The following ITGB3BP variants were observed in gnomAD, a reference collection of about 807,000 sequenced individuals.
ITGB3BP encodes centromere protein R.
Under a neutral mutation model 29.1 loss-of-function variants are expected in ITGB3BP, and 27 were observed. That is an observed-to-expected ratio of 0.93 (90% CI 0.68 to 1.28). ITGB3BP has a LOEUF of 1.28. Among genes scored for constraint, ITGB3BP ranks in the 50% most tolerant of loss-of-function variants. ITGB3BP has a pLI of 0.00. For synonymous variants in ITGB3BP, 61 were observed against 61.4 expected, an observed-to-expected ratio of 0.99 and a Z score of 0.03; for missense variants, 192 against 200.2, an observed-to-expected ratio of 0.96 and a Z score of 0.25.
Position 63,454,852 on chromosome 1 carries a change from C to A in ITGB3BP, c.333+38G>T. ...ATCTGGGACACTTCTTTCATTTTAT[C>A]CTTTTCAAACAGGGTAGAAGTATGA... On this transcript the variant is annotated intron_variant, in intron 5 of 8. Transcript: ENST00000271002. The surrounding 1 kb of genome is among the most constrained non-coding windows in gnomAD (Gnocchi z 4.1). The A allele has an allele frequency of 1.1e-6, 1 of 919,150 alleles. No homozygotes were observed. The highest frequency in any genetic ancestry group is 1.7e-6 in the Non-Finnish European group (1 of 581,380). The allele number at this position is 919,150 out of a possible 1,614,324, so 56.9% of individuals were successfully genotyped here. A position where few individuals can be genotyped will look rare whatever the true frequency, so the allele number is the denominator to read the frequency against.
chr1:63,508,545 C>A lies in ITGB3BP; in HGVS notation c.31G>T (p.Gly11Cys). 7.0e-7 allele frequency: 1 copy of A among 1,422,112 alleles called. No homozygotes were observed. Among genetic ancestry groups the A allele is most frequent in the Non-Finnish European group, 9.5e-7 (1 of 1,048,186 alleles). 88.1% of individuals were successfully genotyped at this position (1,422,112 alleles called of 1,614,324 possible). Residue 11 changes from glycine to cysteine, a missense_variant, in exon 2 of 9, where the codon GGT becomes TGT. Gly to Cys is a radical substitution (Grantham distance 159). Transcript: ENST00000271002. MPVKRSLKLD[G>C]LLEENSFDPS... is the part of the protein sequence containing the mutation. ...ATACTTACATTTTCTTCTAACAGAC[C>A]ATCCAACTTCAGTGATCTTTTAACA...
intron 3 of ITGB3BP, among the ~76,000 whole-genome samples, chr1:63,482,801 G>A (rs758880445): frequency 6.1e-4 from 92 of 151,948 alleles, no homozygotes; most frequent in Non-Finnish European, 1.1e-3. Flanking sequence ...CTGCAAGCGT[G>A]CACCACCACG....
chr1:63,529,021 G>A (rs1237327449), intron 2 of ITGB3BP: 2 of 152,088 alleles, frequency 1.3e-5, no homozygotes, highest in African/African-American at 4.8e-5. Flanking sequence ...TTAAAGGGTA[G>A]GAGCTGGCTG....
At chr1:63,465,556 T>C (rs1432851511) in intron 4 of ITGB3BP, among the ~76,000 whole-genome samples, 1 of 151,834 alleles carries the variant, frequency 6.6e-6, no homozygotes, top group Non-Finnish European at 1.5e-5. Flanking sequence ...CCAGGCTTGC[T>C]AATTAAAAAA....
chr1:63,455,766 G>T (rs1303902751), intron 4 of ITGB3BP, among the ~76,000 whole-genome samples: 4 of 151,984 alleles, frequency 2.6e-5, no homozygotes, highest in African/African-American at 4.8e-5. Flanking sequence ...CCCCACAGCT[G>T]TTTGTGATAA....
intron 3 of ITGB3BP, among the ~76,000 whole-genome samples, chr1:63,488,002 G>A (rs148115684): frequency 2.8e-4 from 43 of 152,200 alleles, no homozygotes; most frequent in African/African-American, 9.4e-4. Context: ...CTGCATGAAC[G>A]CATCTGTTAA....
chr1:63,465,208 T>C (rs1395001255), intron 4 of ITGB3BP, among the ~76,000 whole-genome samples: 2 of 152,188 alleles, frequency 1.3e-5, no homozygotes, highest in Admixed American at 1.3e-4. Flanking sequence ...TGAGTACCTA[T>C]GTATGTGTGT....
intron 7 of ITGB3BP, chr1:63,451,727 A>T (rs1480674297): frequency 1.3e-5 from 2 of 152,062 alleles, no homozygotes; most frequent in Non-Finnish European, 2.9e-5. Flanking sequence ...TCAAATTACA[A>T]CAAAAATAAG....
chr1:63,485,322 G>A (rs1370894316), intron 3 of ITGB3BP, among the ~76,000 whole-genome samples: 7 of 151,956 alleles, frequency 4.6e-5, no homozygotes, highest in African/African-American at 1.7e-4. Flanking sequence ...TATCTTGTCT[G>A]CCTGAAAATA....
chr1:63,501,889 TAA>T (rs925064883), intron 2 of ITGB3BP, among the ~76,000 whole-genome samples: 22 of 150,798 alleles, frequency 1.5e-4, no homozygotes, highest in Admixed American at 7.9e-4. Context: ...GTCTTACTAA[TAA>T]GTTATGGAGT....
At chr1:63,448,055 C>T (rs1272653945) in intron 7 of ITGB3BP, among the ~76,000 whole-genome samples, 1 of 151,178 alleles carries the variant, frequency 6.6e-6, no homozygotes, top group Non-Finnish European at 1.5e-5. Context: ...TGGAAATCAT[C>T]ATTCTCAGTA....
chr1:63,468,977 G>A (rs1156977774), intron 4 of ITGB3BP, among the ~76,000 whole-genome samples: 1 of 152,000 alleles, frequency 6.6e-6, no homozygotes, highest in African/African-American at 2.4e-5. Context: ...CTTGAACCAG[G>A]GAGGTGGAGG....
rs532098334 is a variant in ITGB3BP, at chr1:63,453,700, AATC to A, written c.484+215_484+217del. The stretch of plus-strand genomic sequence containing the variant: ...ATTTCAAAAGACATTTAAAAAGTTC[AATC>A]ATCAGAGAAGTTGATCTCATCAGAT... On this transcript the variant is annotated intron_variant, in intron 7 of 8. Coordinates refer to ENST00000271002, the MANE Select transcript of ITGB3BP (RefSeq NM_014288.5). 11 of 365,920 alleles carry A rather than the reference AATC, an allele frequency of 3.0e-5. No homozygotes were observed. The South Asian group carries it at 3.8e-4, about 13-fold the overall frequency. The allele number at this position is 365,920 out of a possible 1,614,324, so 22.7% of individuals were successfully genotyped here. A position where few individuals can be genotyped will look rare whatever the true frequency, so the allele number is the denominator to read the frequency against.
chr1:63,451,862 G>A (rs1036939046), intron 7 of ITGB3BP: 9 of 152,026 alleles, frequency 5.9e-5, no homozygotes, highest in Non-Finnish European at 1.3e-4. Context: ...ATTGGACAAT[G>A]ACTACGTAGA....
chr1:63,502,890 C>A (rs1484107860), intron 2 of ITGB3BP, among the ~76,000 whole-genome samples: 2 of 152,114 alleles, frequency 1.3e-5, no homozygotes, highest in African/African-American at 4.8e-5. Flanking sequence ...ATATGTGACA[C>A]ATTTTCTTAA....
At chr1:63,459,452 A>G (rs1354967903) in intron 4 of ITGB3BP, among the ~76,000 whole-genome samples, 1 of 152,126 alleles carries the variant, frequency 6.6e-6, no homozygotes, top group African/African-American at 2.4e-5. Context: ...TTATCTTTAC[A>G]ATACTATGAT....
chr1:63,467,530 T>C (rs1645119273), intron 4 of ITGB3BP, among the ~76,000 whole-genome samples: 1 of 151,480 alleles, frequency 6.6e-6, no homozygotes, highest in South Asian at 2.1e-4. Context: ...TGCTGATTGA[T>C]TGATTGATTG....
Position 63,523,122 on chromosome 1 carries a change from T to C in ITGB3BP, c.5+7A>G. 1 of 1,614,088 alleles carries C rather than the reference T, an allele frequency of 6.2e-7. No individual in the cohort carries two copies. The highest frequency in any genetic ancestry group is 1.1e-5 in the South Asian group (1 of 91,080). On this transcript the variant is annotated splice_region_variant and intron_variant, in intron 1 of 8. Coordinates refer to ENST00000271002, the MANE Select transcript of ITGB3BP (RefSeq NM_014288.5). The stretch of plus-strand genomic sequence containing the variant: ...AAAACAGCAATACCTGGGGAGGAGA[T>C]ACCTACGGCATTCTGAGATTCGGGA...
At chr1:63,460,493 AAATAAAT>A (rs1422832532) in intron 4 of ITGB3BP, among the ~76,000 whole-genome samples, 1 of 152,182 alleles carries the variant, frequency 6.6e-6, no homozygotes, top group Non-Finnish European at 1.5e-5. Flanking sequence ...TCCTTTTCAT[AAATAAAT>A]AATATTCCAC....
Sources: allele counts gnomAD v4.1 joint callset (sites outside exome capture counted in the v4.1 genomes callset), GRCh38; gene constraint gnomAD v4.1.1; non-coding constraint Gnocchi (gnomAD v3.1); transcripts MANE v1.5; gene names NCBI Gene and HGNC (gene_info 2026-07-23, HGNC 2026-07-21).